Variants in UGP2 observed in about 807,000 individuals in gnomAD.
UGP2 encodes UDP-glucose pyrophosphorylase 2.
In UGP2, 40 loss-of-function variants were observed where a neutral mutation model predicts 49.0. The ratio of observed to expected loss-of-function variants is 0.82; its 90% confidence interval spans 0.63 to 1.06. The LOEUF is 1.06. Ranked by LOEUF, UGP2 falls within the 50% of genes least tolerant of loss-of-function variation. The probability of loss-of-function intolerance (pLI) is 0.00; values close to 1 mark genes in which losing one functional copy is unlikely to be tolerated. For synonymous variants in UGP2, 225 were observed against 213.0 expected, an observed-to-expected ratio of 1.06 and a Z score of -0.49; for missense variants, 460 against 603.5, an observed-to-expected ratio of 0.76 and a Z score of 2.49.
Position 63,841,898 on chromosome 2 carries a change from G to T in UGP2, c.-288G>T, listed in dbSNP as rs1248486214. 1.1e-5 allele frequency: 4 copies of T among 376,304 alleles called. No individual in the cohort carries two copies. The highest frequency in any genetic ancestry group is 8.3e-5 in the Admixed American group (2 of 24,158). The allele number at this position is 376,304 out of a possible 1,614,324, so 23.3% of individuals were successfully genotyped here. Reference sequence around the variant, plus strand: ...GTTCGTGTGGTTTTACCTTTTCCGGGAGTCTCCAGCTGGCCCTCATTTGTG... The same window carrying T: ...GTTCGTGTGGTTTTACCTTTTCCGGTAGTCTCCAGCTGGCCCTCATTTGTG... On this transcript the variant is annotated 5_prime_UTR_variant, in exon 1 of 10. Coordinates refer to ENST00000337130, the MANE Select transcript of UGP2 (RefSeq NM_006759.4).
chr2:63,882,095 G>A (rs544443245), intron 3 of UGP2, among the ~76,000 whole-genome samples: 1 of 152,318 alleles, frequency 6.6e-6, no homozygotes, highest in South Asian at 2.1e-4. Context: ...ATTTAGACTT[G>A]ATGATTCTAA....
At chr2:63,869,819 T>G (rs994437247) in intron 3 of UGP2, among the ~76,000 whole-genome samples, 1 of 152,180 alleles carries the variant, frequency 6.6e-6, no homozygotes, top group Admixed American at 6.5e-5. Flanking sequence ...TGTTACAAAT[T>G]TTTGCCTTTG....
chr2:63,846,858 GGGCATACCCCTCATTTTTTAAA>G (rs2104243961), intron 1 of UGP2, among the ~76,000 whole-genome samples: 1 of 152,154 alleles, frequency 6.6e-6, no homozygotes, highest in African/African-American at 2.4e-5. Context: ...ATAATGACTA[GGGCATACCCCTCATTTTTTAAA>G]GATCTGATTT....
chr2:63,858,635 A>G (rs1162888332), intron 3 of UGP2, among the ~76,000 whole-genome samples: 3 of 152,102 alleles, frequency 2.0e-5, no homozygotes, highest in African/African-American at 4.8e-5. Flanking sequence ...TAACAGTTAC[A>G]ATATGCATTT....
At chr2:63,862,699 T>C in intron 3 of UGP2, 1 of 408,568 alleles carries the variant, frequency 2.4e-6, no homozygotes, top group South Asian at 1.8e-5. Flanking sequence ...TTGAATTCAT[T>C]AGGAAAATCA....
In UGP2 at chr2:63,842,102, A is replaced by G; in HGVS notation, c.-84A>G. ...GAAAGAATACATCGGTTGTTAAAGC[A>G]GGAGAGGAAGAGAGACCTGCCCTGT... is the stretch of plus-strand genomic sequence containing the variant. On this transcript the variant is annotated 5_prime_UTR_variant, in exon 1 of 10. Transcript: ENST00000337130. 1 of 1,493,266 alleles carries G rather than the reference A, an allele frequency of 6.7e-7. No homozygotes were observed. Among genetic ancestry groups the G allele is most frequent in the Non-Finnish European group, 9.0e-7 (1 of 1,116,268 alleles). The allele number at this position is 1,493,266 out of a possible 1,614,324, so 92.5% of individuals were successfully genotyped here.
At position 63,882,490 on chromosome 2, in the gene UGP2, G is replaced by C; in HGVS notation, c.280G>C (p.Ala94Pro). ...GATTCAACCCTATGAAAAGATAAAG[G>C]CCAGGGGCTTGCCTGATAATATATC... ...DSIQPYEKIK[A>P]RGLPDNISSV... is the part of the protein sequence containing the mutation. The change falls in exon 4 of 10, where the codon GCC (alanine) becomes CCC (proline). Residue 94 changes from alanine (A) to proline (P), a missense_variant. Physicochemically the swap from Ala to Pro is conservative, Grantham distance 27. Transcript: ENST00000337130. 1 of 1,601,040 alleles carries C rather than the reference G, an allele frequency of 6.2e-7. No homozygotes were observed. The highest frequency in any genetic ancestry group is 8.5e-7 in the Non-Finnish European group (1 of 1,170,800).
At chr2:63,844,140 T>G (rs1280470697) in intron 1 of UGP2, among the ~76,000 whole-genome samples, 2 of 152,234 alleles carry the variant, frequency 1.3e-5, no homozygotes, top group African/African-American at 4.8e-5. Flanking sequence ...TCCTCAAAAT[T>G]TTTTGACATG....
At chr2:63,850,662 T>C (rs550848651) in intron 1 of UGP2, among the ~76,000 whole-genome samples, 6 of 152,236 alleles carry the variant, frequency 3.9e-5, no homozygotes, top group Non-Finnish European at 7.3e-5. Flanking sequence ...TGTGTGAAAC[T>C]TCTTTGACCA....
chr2:63,855,941 CA>C, intron 1 of UGP2: 1 of 212,778 alleles, frequency 4.7e-6, no homozygotes, highest in Non-Finnish European at 9.6e-6. Flanking sequence ...CCGGCTATGC[CA>C]AAAGCATTAA....
intron 3 of UGP2, among the ~76,000 whole-genome samples, chr2:63,868,604 G>T (rs998068616): frequency 6.6e-6 from 1 of 152,066 alleles, no homozygotes; most frequent in Non-Finnish European, 1.5e-5. Context: ...GTTCAGAAAT[G>T]GTGTTTTCTT....
At chr2:63,866,681 T>C (rs911620447) in intron 3 of UGP2, among the ~76,000 whole-genome samples, 2 of 152,180 alleles carry the variant, frequency 1.3e-5, no homozygotes, top group African/African-American at 4.8e-5. Flanking sequence ...ATAATTTTTA[T>C]AGTACTCCTG....
chr2:63,880,600 C>T (rs1017612984), intron 3 of UGP2, among the ~76,000 whole-genome samples: 1 of 152,164 alleles, frequency 6.6e-6, no homozygotes, highest in African/African-American at 2.4e-5. Context: ...AAGTTTTTCT[C>T]TCCTAAGCAA....
intron 1 of UGP2, among the ~76,000 whole-genome samples, chr2:63,852,910 T>C (rs572886959): frequency 5.3e-5 from 8 of 152,252 alleles, no homozygotes; most frequent in African/African-American, 1.9e-4. Context: ...GGATGATCAG[T>C]CATATTTTGG....
At chr2:63,861,942 G>C (rs1227904589) in intron 3 of UGP2, among the ~76,000 whole-genome samples, 2 of 152,188 alleles carry the variant, frequency 1.3e-5, no homozygotes, top group African/African-American at 4.8e-5. Context: ...TTATAAGGAA[G>C]TCTGAGGAAG....
At chr2:63,853,869 G>A (rs1669202150) in intron 1 of UGP2, among the ~76,000 whole-genome samples, 1 of 152,224 alleles carries the variant, frequency 6.6e-6, no homozygotes, top group African/African-American at 2.4e-5. Flanking sequence ...GGGAAAGGAG[G>A]AACTTGTGAA....
In UGP2 at chr2:63,877,917, C is replaced by T. The variant is rs533275610; in HGVS notation, c.256-4549C>T. On this transcript the variant is annotated intron_variant, in intron 3 of 9. Coordinates refer to ENST00000337130, the MANE Select transcript of UGP2 (RefSeq NM_006759.4). ...CTGAGGCAGGAGAATGGCGTGAACC[C>T]GGGAAGCGGAGCTTGCAGTGAGCCG... Among the ~76,000 whole-genome samples the T allele has an allele frequency of 2.3e-3, 334 of 142,890 alleles. 2 individuals are homozygous for T. Among genetic ancestry groups the T allele is most frequent in the African/African-American group, 8.3e-3 (321 of 38,890 alleles). The allele number at this position is 142,890 out of a possible 152,430, so 93.7% of individuals were successfully genotyped here. A position where few individuals can be genotyped will look rare whatever the true frequency, so the allele number is the denominator to read the frequency against.
intron 4 of UGP2, 60 bp downstream of exon 4, chr2:63,882,711 C>A: frequency 7.1e-7 from 1 of 1,414,116 alleles, no homozygotes; most frequent in Non-Finnish European, 9.4e-7. Flanking sequence ...TTTAAGTTAT[C>A]ATAAATGTTA....
In UGP2 at chr2:63,859,574, C is replaced by A. The variant is rs533585171; in HGVS notation, c.255+1638C>A. Among the ~76,000 whole-genome samples, 36 of 152,214 alleles carry A rather than the reference C, an allele frequency of 2.4e-4. 2 individuals carry two copies. Among genetic ancestry groups the A allele is most frequent in the Admixed American group, 2.2e-3 (34 of 15,290 alleles). On this transcript the variant is annotated intron_variant, in intron 3 of 9. Transcript: ENST00000337130. Reference sequence around the variant, plus strand: ...GGGATTTTTTCGGTTCAGTACTACCCTACCCCATTCCCAGGAAAGTTCTGA... The same window carrying A: ...GGGATTTTTTCGGTTCAGTACTACCATACCCCATTCCCAGGAAAGTTCTGA...
Sources: gnomAD v4.1 joint callset for allele counts (sites outside exome capture counted in the v4.1 genomes callset) on GRCh38, gnomAD v4.1.1 for gene constraint, MANE v1.5 for transcripts, NCBI Gene and HGNC (gene_info 2026-07-23, HGNC 2026-07-21) for gene names.